SLCO5A1: variants seen among roughly 807,000 people sequenced by gnomAD.
The protein encoded by SLCO5A1 is organic anion transporter polypeptide-related protein 4.
Under a neutral mutation model 65.1 loss-of-function variants are expected in SLCO5A1, and 39 were observed. The observed-to-expected ratio is 0.60, with a 90% confidence interval of 0.46 to 0.78. SLCO5A1 has a LOEUF of 0.78. Among genes scored for constraint, SLCO5A1 ranks in the 30% least tolerant of loss-of-function variants. The pLI is 0.00. For synonymous variants in SLCO5A1, 438 were observed against 415.7 expected (o/e 1.05, Z -0.65); for missense variants, 1,029 against 1,069.4 (o/e 0.96, Z 0.53).
intron 2 of SLCO5A1, among the ~76,000 whole-genome samples, chr8:69,780,424 T>C (rs573071568): frequency 6.3e-4 from 96 of 152,252 alleles, no homozygotes; most frequent in African/African-American, 2.2e-3. Context: ...AATGGAGGAC[T>C]GGATAAAGAA....
At chr8:69,791,652 G>A (rs190577007) in intron 2 of SLCO5A1, among the ~76,000 whole-genome samples, 18 of 152,302 alleles carry the variant, frequency 1.2e-4, no homozygotes, top group Admixed American at 4.6e-4. Context: ...TCATGGAGAC[G>A]ACTGAGAAAT....
chr8:69,677,072 G>A (rs1466154844), intron 8 of SLCO5A1, among the ~76,000 whole-genome samples: 1 of 151,846 alleles, frequency 6.6e-6, no homozygotes, highest in African/African-American at 2.4e-5. Context: ...CTGTGTGCCT[G>A]CATCTTCCAG....
In SLCO5A1 at chr8:69,832,474, G is replaced by A. The variant is rs1821211771; in HGVS notation, c.200C>T (p.Ser67Leu). The change falls in exon 2 of 10, where the codon TCG (serine) becomes TTG (leucine). Residue 67 changes from serine to leucine, a missense_variant. Ser to Leu is a moderately radical substitution (Grantham distance 145). Transcript: ENST00000260126. This position sits in a 1 kb window ranked among gnomAD's most constrained non-coding sequence, Gnocchi z 4.5. Reference sequence around the variant, plus strand: ...GCCTTGCTTCAACTCCTGGTGGCCCGAAGAATCCACACAGCCAAAGGCCGG... The same window carrying A: ...GCCTTGCTTCAACTCCTGGTGGCCCAAAGAATCCACACAGCCAAAGGCCGG... ...ANPAFGCVDS[S>L]GHQELKQGPN... 13 of 1,612,752 alleles carry A rather than the reference G, an allele frequency of 8.1e-6. No individual in the cohort carries two copies. The highest frequency in any genetic ancestry group is 1.3e-5 in the African/African-American group (1 of 75,010).
chr8:69,704,909 A>G (rs1814900583), intron 6 of SLCO5A1, 122 bp downstream of exon 6: 1 of 894,274 alleles, frequency 1.1e-6, no homozygotes, highest in Non-Finnish European at 1.8e-6. Flanking sequence ...CAGAGCACAC[A>G]GAGCACACAC....
chr8:69,796,571 C>T (rs1165420710), intron 2 of SLCO5A1, among the ~76,000 whole-genome samples: 1 of 152,008 alleles, frequency 6.6e-6, no homozygotes, highest in African/African-American at 2.4e-5. Context: ...GAGCCATGAT[C>T]ATGCCACTGC....
chr8:69,820,243 G>C (rs954922693), intron 2 of SLCO5A1, among the ~76,000 whole-genome samples: 1 of 152,204 alleles, frequency 6.6e-6, no homozygotes, highest in Non-Finnish European at 1.5e-5. Context: ...GAACAGGTGA[G>C]TGATAACTGA....
chr8:69,767,066 G>C (rs1164810580), intron 2 of SLCO5A1, among the ~76,000 whole-genome samples: 2 of 152,160 alleles, frequency 1.3e-5, no homozygotes, highest in South Asian at 2.1e-4. Flanking sequence ...TTTTGACTGT[G>C]TCCCAACAGA....
chr8:69,807,748 C>T (rs1037943132), intron 2 of SLCO5A1, among the ~76,000 whole-genome samples: 1 of 152,188 alleles, frequency 6.6e-6, no homozygotes, highest in African/African-American at 2.4e-5. Flanking sequence ...GTCTGTCGCC[C>T]AGGCTGGAGC....
chr8:69,771,400 T>C (rs1375701714), intron 2 of SLCO5A1, among the ~76,000 whole-genome samples: 2 of 152,262 alleles, frequency 1.3e-5, no homozygotes, highest in East Asian at 1.9e-4. Flanking sequence ...CTGTCTCCTA[T>C]ACTTTTAAGT....
chr8:69,812,815 C>T (rs1280514920), intron 2 of SLCO5A1, among the ~76,000 whole-genome samples: 1 of 152,176 alleles, frequency 6.6e-6, no homozygotes, highest in East Asian at 1.9e-4. Context: ...AGCAGCAAAA[C>T]CAACTTTTGG....
At chr8:69,722,449 G>C (rs968197444) in intron 5 of SLCO5A1, among the ~76,000 whole-genome samples, 13 of 152,084 alleles carry the variant, frequency 8.5e-5, no homozygotes, top group African/African-American at 3.1e-4. Flanking sequence ...TTCAAGTCTT[G>C]AAGTACTTAC....
intron 6 of SLCO5A1, among the ~76,000 whole-genome samples, chr8:69,698,051 C>G (rs1814574152): frequency 1.3e-5 from 2 of 152,112 alleles, no homozygotes; most frequent in South Asian, 4.1e-4. Context: ...TCTGTTGTTC[C>G]CTTCTTTGTG....
Position 69,832,589 on chromosome 8 carries a change from C to G in SLCO5A1, c.85G>C (p.Glu29Gln), listed in dbSNP as rs1165395784. 3.7e-6 allele frequency: 6 copies of G among 1,612,790 alleles called. No individual in the cohort carries two copies. The highest frequency in any genetic ancestry group is 5.1e-6 in the Non-Finnish European group (6 of 1,179,812). ...ATAEAVQERC[E>Q]PETLRSKSLP... ...CTCTTAGACCTGAGGGTCTCCGGCT[C>G]GCACCTCTCTTGGACAGCTTCTGCA... is the stretch of plus-strand genomic sequence containing the variant. Residue 29 changes from glutamate (E) to glutamine (Q), a missense_variant, in exon 2 of 10, where the codon GAG becomes CAG. Physicochemically the swap from Glu to Gln is conservative, Grantham distance 29 (BLOSUM62 2). This residue lies in a region of SLCO5A1 where 647 missense variants were observed against 647.5 expected (regional missense o/e 1.00). Transcript: ENST00000260126. This position sits in a 1 kb window ranked among gnomAD's most constrained non-coding sequence, Gnocchi z 4.5.
chr8:69,704,910 G>C lies in SLCO5A1; in HGVS notation c.1622+121C>G. ...TCCACTTGGAGAGGCAGAGCACACA[G>C]AGCACACACAGGGAGAACAGCTTGG... On this transcript the variant is annotated intron_variant, in intron 6 of 9. Coordinates refer to ENST00000260126, the MANE Select transcript of SLCO5A1 (RefSeq NM_030958.3). 6 of 903,734 alleles carry C rather than the reference G, an allele frequency of 6.6e-6. No homozygotes were observed. In the South Asian group the frequency reaches 7.6e-5, roughly 11 times the overall value. 56.0% of individuals were successfully genotyped at this position (903,734 alleles called of 1,614,324 possible).
chr8:69,699,617 A>G (rs1048034346), intron 6 of SLCO5A1, among the ~76,000 whole-genome samples: 1 of 152,256 alleles, frequency 6.6e-6, no homozygotes, highest in African/African-American at 2.4e-5. Flanking sequence ...TGAGCAAGCT[A>G]AGGATCACCA....
intron 6 of SLCO5A1, among the ~76,000 whole-genome samples, chr8:69,684,751 T>C (rs1813935126): frequency 6.6e-6 from 1 of 152,172 alleles, no homozygotes; most frequent in Non-Finnish European, 1.5e-5. Flanking sequence ...TAAACTTGTT[T>C]TCTTTCACTG....
intron 6 of SLCO5A1, among the ~76,000 whole-genome samples, chr8:69,683,783 G>T (rs1208392194): frequency 6.6e-6 from 1 of 151,956 alleles, no homozygotes; most frequent in Admixed American, 6.6e-5. Context: ...GGCTGGTCTC[G>T]AACTCCTAAC....
At chr8:69,684,485 C>T (rs1472879186) in intron 6 of SLCO5A1, among the ~76,000 whole-genome samples, 1 of 152,176 alleles carries the variant, frequency 6.6e-6, no homozygotes, top group Non-Finnish European at 1.5e-5. Flanking sequence ...AATTATAATA[C>T]ATTTGCATAA....
At position 69,742,600 on chromosome 8, in the gene SLCO5A1, G is replaced by A. The variant is rs145899454; in HGVS notation, c.1259-4396C>T. On this transcript the variant is annotated intron_variant, in intron 4 of 9. Coordinates refer to ENST00000260126, the MANE Select transcript of SLCO5A1 (RefSeq NM_030958.3). ...TTTAAAAGAAGTGTTAATAGCATTGGCAGATCATTTGCTCCTTCCAGGTGC... is the reference window on the plus strand; with the variant it reads ...TTTAAAAGAAGTGTTAATAGCATTGACAGATCATTTGCTCCTTCCAGGTGC... Among the ~76,000 whole-genome samples the A allele has an allele frequency of 8.7e-3, 1,327 of 152,162 alleles. 19 individuals carry two copies. The highest frequency in any genetic ancestry group is 0.03 in the African/African-American group (1,247 of 41,498).
Sources: allele counts gnomAD v4.1 joint callset (sites outside exome capture counted in the v4.1 genomes callset), GRCh38; gene constraint gnomAD v4.1.1; regional missense constraint gnomAD v4.1.1; non-coding constraint Gnocchi (gnomAD v3.1); transcripts MANE v1.5; gene names NCBI Gene and HGNC (gene_info 2026-07-23, HGNC 2026-07-21).